Variants in SNTB1 observed in about 807,000 individuals in gnomAD.
SNTB1 encodes beta-1-syntrophin.
In SNTB1, 36 loss-of-function variants were observed where a neutral mutation model predicts 48.9. The observed-to-expected ratio is 0.74, with a 90% confidence interval of 0.56 to 0.97. The LOEUF (loss-of-function observed/expected upper bound fraction) is 0.97. Among genes scored for constraint, SNTB1 ranks in the 50% least tolerant of loss-of-function variants. The probability of loss-of-function intolerance (pLI) is 0.00; values close to 1 mark genes in which losing one functional copy is unlikely to be tolerated. For synonymous variants in SNTB1, 299 were observed against 294.6 expected (o/e 1.01, Z -0.15); for missense variants, 786 against 703.4 (o/e 1.12, Z -1.33).
intron 3 of SNTB1, among the ~76,000 whole-genome samples, chr8:120,607,766 A>C (rs1406623756): frequency 6.6e-6 from 1 of 152,192 alleles, no homozygotes; most frequent in Non-Finnish European, 1.5e-5. Flanking sequence ...GATCTCCATA[A>C]TCCCAGATAG....
chr8:120,576,460 A>G (rs1451041504), intron 3 of SNTB1, among the ~76,000 whole-genome samples: 1 of 152,230 alleles, frequency 6.6e-6, no homozygotes, highest in Non-Finnish European at 1.5e-5. Flanking sequence ...ACACCCTAGT[A>G]TGAGGAATGA....
At chr8:120,800,158 G>T (rs1820197600) in intron 1 of SNTB1, among the ~76,000 whole-genome samples, 2 of 152,020 alleles carry the variant, frequency 1.3e-5, no homozygotes, top group African/African-American at 2.4e-5. Context: ...GTACCCAGGG[G>T]AACCTCCAAA....
intron 3 of SNTB1, among the ~76,000 whole-genome samples, chr8:120,624,341 T>G (rs1816840885): frequency 6.6e-6 from 1 of 152,170 alleles, no homozygotes; most frequent in Non-Finnish European, 1.5e-5. Context: ...TCTTGCTGTG[T>G]CATCCCATGA....
At position 120,538,881 on chromosome 8, in the gene SNTB1, G is replaced by A. The variant is rs1236567271; in HGVS notation, c.1613C>T (p.Ala538Val). The change falls in exon 7 of 7, where the codon GCC (alanine) becomes GTC (valine). Residue 538 changes from alanine to valine, a missense_variant. Transcript: ENST00000517992. ...SAKITRLGLV[A>V] ...AAAGGCAAGTCACCCCTGTCTTCAG[G>A]CCACCAAGCCCAGTCTTGTAATCTT... The A allele has an allele frequency of 3.1e-6, 5 of 1,612,634 alleles. No homozygotes were observed. The highest frequency in any genetic ancestry group is 4.5e-5 in the East Asian group (2 of 44,874).
At chr8:120,653,282 G>C (rs1283251491) in intron 2 of SNTB1, among the ~76,000 whole-genome samples, 2 of 152,160 alleles carry the variant, frequency 1.3e-5, no homozygotes, top group Admixed American at 1.3e-4. Flanking sequence ...TAAATCCAAT[G>C]AGAGTGCTAT....
chr8:120,738,882 A>T (rs1818996666), intron 1 of SNTB1, among the ~76,000 whole-genome samples: 1 of 152,062 alleles, frequency 6.6e-6, no homozygotes, highest in South Asian at 2.1e-4. Flanking sequence ...AGAATTCCTG[A>T]CTCTATTCTC....
intron 4 of SNTB1, among the ~76,000 whole-genome samples, chr8:120,550,137 T>G (rs1815454858): frequency 6.6e-6 from 1 of 152,196 alleles, no homozygotes; most frequent in African/African-American, 2.4e-5. Flanking sequence ...TTGTATAACT[T>G]GGAGGAGCTT....
At chr8:120,789,023 T>C (rs557343575) in intron 1 of SNTB1, among the ~76,000 whole-genome samples, 5 of 152,204 alleles carry the variant, frequency 3.3e-5, no homozygotes, top group East Asian at 3.9e-4. Context: ...TTTTAAATTA[T>C]TGAAACAGTA....
At chr8:120,619,146 C>T (rs190787246) in intron 3 of SNTB1, among the ~76,000 whole-genome samples, 68 of 152,142 alleles carry the variant, frequency 4.5e-4, no homozygotes, top group Admixed American at 7.9e-4. Context: ...TTATTTTATG[C>T]TTTTATTGAA....
chr8:120,701,518 G>A (rs758299545), intron 1 of SNTB1, among the ~76,000 whole-genome samples: 1 of 152,144 alleles, frequency 6.6e-6, no homozygotes, highest in African/African-American at 2.4e-5. Context: ...CCAAGAAATA[G>A]CCCTGTTCAA....
intron 4 of SNTB1, among the ~76,000 whole-genome samples, chr8:120,560,958 A>G (rs1815644369): frequency 6.6e-6 from 1 of 152,134 alleles, no homozygotes; most frequent in Admixed American, 6.5e-5. Flanking sequence ...CTATATGACT[A>G]CAGAGTCCAT....
intron 4 of SNTB1, among the ~76,000 whole-genome samples, chr8:120,549,291 A>G (rs758646332): frequency 1.3e-5 from 2 of 152,218 alleles, no homozygotes; most frequent in Non-Finnish European, 2.9e-5. Context: ...CTGAGCATCT[A>G]TATGTCCCAG....
rs184411786 is a variant in SNTB1, at chr8:120,617,231, C to T, written c.996+15213G>A. ...ACACCCCTGGTGTAGAATCAGTGAG[C>T]TCTTACCATGTTAAAGGCAGTAAGG... is the stretch of plus-strand genomic sequence containing the variant. On this transcript the variant is annotated intron_variant, in intron 3 of 6. Transcript: ENST00000517992. Among the ~76,000 whole-genome samples, 122 of 152,256 alleles carry T rather than the reference C, an allele frequency of 8.0e-4. 1 individual carries two copies. The highest frequency in any genetic ancestry group is 2.7e-3 in the African/African-American group (111 of 41,550).
At chr8:120,676,624 C>T (rs1314532934) in intron 2 of SNTB1, among the ~76,000 whole-genome samples, 1 of 152,106 alleles carries the variant, frequency 6.6e-6, no homozygotes, top group Non-Finnish European at 1.5e-5. Flanking sequence ...TCTTCCACAG[C>T]TGAAAAAAGC....
chr8:120,790,342 A>G (rs1385894714), intron 1 of SNTB1, among the ~76,000 whole-genome samples: 5 of 151,996 alleles, frequency 3.3e-5, no homozygotes, highest in Non-Finnish European at 7.4e-5. Context: ...AAGGATGCCC[A>G]CTTTCACCAC....
chr8:120,643,426 C>CA (rs1817230656), intron 2 of SNTB1, among the ~76,000 whole-genome samples: 1 of 152,176 alleles, frequency 6.6e-6, no homozygotes. Flanking sequence ...ACCACCCTCC[C>CA]ACCCTTCCTC....
intron 1 of SNTB1, among the ~76,000 whole-genome samples, chr8:120,774,091 G>A (rs546856951): frequency 6.0e-4 from 92 of 152,360 alleles, no homozygotes; most frequent in African/African-American, 2.2e-3. Flanking sequence ...CTCCAAAGCC[G>A]ATGTTCCTTC....
chr8:120,600,250 G>A (rs1816401213), intron 3 of SNTB1, among the ~76,000 whole-genome samples: 1 of 152,240 alleles, frequency 6.6e-6, no homozygotes, highest in Non-Finnish European at 1.5e-5. Flanking sequence ...CTGCTTTCAT[G>A]CACTTGGAAC....
At chr8:120,662,420 T>C (rs1817603610) in intron 2 of SNTB1, among the ~76,000 whole-genome samples, 1 of 152,232 alleles carries the variant, frequency 6.6e-6, no homozygotes, top group African/African-American at 2.4e-5. Context: ...GTTAGACTTG[T>C]TTTGTTTCGA....
Sources: gnomAD v4.1 joint callset for allele counts (sites outside exome capture counted in the v4.1 genomes callset) on GRCh38, gnomAD v4.1.1 for gene constraint, MANE v1.5 for transcripts, NCBI Gene and HGNC (gene_info 2026-07-23, HGNC 2026-07-21) for gene names.